Variants in MAN1B1 observed in about 807,000 individuals in gnomAD.
MAN1B1 encodes the protein mannosidase alpha class 1B member 1, also known as endoplasmic reticulum mannosyl-oligosaccharide 1,2-alpha-mannosidase.
A neutral mutation model predicts 75.5 loss-of-function variants in MAN1B1; 66 were observed. That is an observed-to-expected ratio of 0.87 (90% CI 0.72 to 1.07). The LOEUF (loss-of-function observed/expected upper bound fraction) is 1.07, where lower values mean the gene tolerates loss of function less well. Ranked by LOEUF, MAN1B1 falls within the 50% of genes least tolerant of loss-of-function variation. MAN1B1 has a pLI of 0.00. For missense variants in MAN1B1, 973 were observed against 912.5 expected, an observed-to-expected ratio of 1.07 and a Z score of -0.85; for synonymous variants, 453 against 382.8, an observed-to-expected ratio of 1.18 and a Z score of -2.14.
In MAN1B1 at chr9:137,087,101, T is replaced by C; in HGVS notation, c.102T>C (p.Thr34=). 1 of 1,597,514 alleles carries C rather than the reference T, an allele frequency of 6.3e-7. No individual in the cohort carries two copies. The highest frequency in any genetic ancestry group is 8.5e-7 in the Non-Finnish European group (1 of 1,173,976). The change falls in exon 1 of 13, where the codon ACT becomes ACC. Residue 34 remains threonine, a synonymous_variant. Transcript: ENST00000371589. Reference sequence around the variant, plus strand: ...GGGCCCCTTGGGCCGTCGCCACCACTGTAGTCATGTACCCACCGCCGCCGC... The same window carrying C: ...GGGCCCCTTGGGCCGTCGCCACCACCGTAGTCATGTACCCACCGCCGCCGC... ...VGGAPWAVAT[T]VVMYPPPPPP...
intron 9 of MAN1B1, 35 bp downstream of exon 9, chr9:137,106,350 C>T: frequency 1.3e-6 from 2 of 1,530,878 alleles, no homozygotes; most frequent in Non-Finnish European, 1.8e-6. Context: ...GCTCCCGCGG[C>T]TCCCCCGTTC....
intron 3 of MAN1B1, among the ~76,000 whole-genome samples, chr9:137,090,765 C>G (rs1324055293): frequency 6.6e-5 from 10 of 152,108 alleles, no homozygotes; most frequent in Non-Finnish European, 1.2e-4. Flanking sequence ...TCTCGAACTC[C>G]TGACCTCTTG....
chr9:137,101,788 T>C, intron 8 of MAN1B1, 116 bp downstream of exon 8: 1 of 1,262,036 alleles, frequency 7.9e-7, no homozygotes, highest in East Asian at 2.5e-5. Flanking sequence ...TTTTTTACTG[T>C]GATAAAACAC....
At chr9:137,088,565 A>G in intron 2 of MAN1B1, 3 of 840,420 alleles carry the variant, frequency 3.6e-6, no homozygotes, top group Non-Finnish European at 5.5e-6. Context: ...ACTTGGTCTA[A>G]GATGCTTCTC....
chr9:137,094,377 A>G, intron 3 of MAN1B1: 1 of 499,726 alleles, frequency 2.0e-6, no homozygotes, highest in South Asian at 1.4e-5. Flanking sequence ...GTTTGTTCCG[A>G]CCTTCCACTG....
chr9:137,089,134 G>T (rs1830457055), intron 3 of MAN1B1, 129 bp downstream of exon 3: 3 of 1,193,578 alleles, frequency 2.5e-6, no homozygotes, highest in African/African-American at 3.0e-5. Context: ...TCTCGTTTTG[G>T]ACTGGTCGGA....
At chr9:137,102,618 G>A in intron 8 of MAN1B1, 1 of 446,698 alleles carries the variant, frequency 2.2e-6, no homozygotes. Flanking sequence ...AAGCGTGCAG[G>A]TCGGTGGTGT....
intron 9 of MAN1B1, 176 bp from the exon 10 acceptor site, chr9:137,106,513 G>A (rs577251315): frequency 1.9e-6 from 2 of 1,070,210 alleles, no homozygotes; most frequent in East Asian, 5.0e-5. Flanking sequence ...CGTGGCCTCT[G>A]GGGGGGTGAG....
At chr9:137,087,407 G>T (rs1339697813) in intron 1 of MAN1B1, 189 bp downstream of exon 1, 2 of 781,104 alleles carry the variant, frequency 2.6e-6, no homozygotes, top group Non-Finnish European at 4.3e-6. Context: ...CGCCTGCAGC[G>T]GTCTCAGCGG....
intron 8 of MAN1B1, chr9:137,102,970 G>T (rs1177641042): frequency 2.3e-4 from 102 of 438,780 alleles, no homozygotes; most frequent in Non-Finnish European, 4.0e-4. Context: ...TCACGCTTTT[G>T]CAGGCGTGCA....
In MAN1B1 at chr9:137,101,684, G is replaced by A; in HGVS notation, c.1254+12G>A. The A allele has an allele frequency of 6.2e-7, 1 of 1,610,068 alleles. No individual in the cohort carries two copies. The highest frequency in any genetic ancestry group is 8.5e-7 in the Non-Finnish European group (1 of 1,177,970). On this transcript the variant is annotated intron_variant, in intron 8 of 12. Transcript: ENST00000371589. ...ATAAGAAGTTTCAGGTAAGGGGGCAGGCTTTCTGGCTGGATGCGCCTCCCC... is the reference window on the plus strand; with the variant it reads ...ATAAGAAGTTTCAGGTAAGGGGGCAAGCTTTCTGGCTGGATGCGCCTCCCC...
rs12115325 is a variant in MAN1B1, at chr9:137,107,526, C to A, written c.1765-5C>A. The stretch of plus-strand genomic sequence containing the variant: ...GCCTTGCCCTGAGCTCTGCTCCGCC[C>A]ACAGCCAGCAGACAGGCACAACCTG... On this transcript the variant is annotated splice_region_variant and splice_polypyrimidine_tract_variant and intron_variant, in intron 11 of 12. Transcript: ENST00000371589. 523,833 of 1,612,800 alleles carry A rather than the reference C, an allele frequency of 0.32. 91,324 individuals carry two copies. The highest frequency in any genetic ancestry group is 0.36 in the Non-Finnish European group (429,361 of 1,179,922).
chr9:137,103,813 T>C, intron 8 of MAN1B1: 3 of 444,104 alleles, frequency 6.8e-6, no homozygotes, highest in South Asian at 3.1e-5. Context: ...ACATTCACAC[T>C]GTTGCAGGCT....
At chr9:137,103,214 G>A (rs1488552549) in intron 8 of MAN1B1, 4 of 433,824 alleles carry the variant, frequency 9.2e-6, no homozygotes, top group Non-Finnish European at 1.8e-5. Flanking sequence ...GTGCAGGTCG[G>A]TGGTGTTACA....
At chr9:137,103,501 CTAT>C in intron 8 of MAN1B1, 1 of 436,544 alleles carries the variant, frequency 2.3e-6, no homozygotes, top group Admixed American at 2.5e-5. Context: ...CACATTCACG[CTAT>C]TGCAGGCGTG....
At chr9:137,100,975 C>T (rs774319680) in intron 6 of MAN1B1, 30 bp from the exon 7 acceptor site, 51 of 1,613,612 alleles carry the variant, frequency 3.2e-5, no homozygotes, top group Non-Finnish European at 3.3e-5. Context: ...ATCCATTTGT[C>T]TCTGCATCCT....
At position 137,099,592 on chromosome 9, in the gene MAN1B1, T is replaced by C. The variant is rs888716374; in HGVS notation, c.731-104T>C. On this transcript the variant is annotated intron_variant, in intron 5 of 12. Coordinates refer to ENST00000371589, the MANE Select transcript of MAN1B1 (RefSeq NM_016219.5). ...TCCCGTCGTCCCAAACCCACCGTCA[T>C]CTTTGCCCCATGGGGGTCACAGCAG... 11 of 1,289,848 alleles carry C rather than the reference T, an allele frequency of 8.5e-6. No individual in the cohort carries two copies. The East Asian group carries it at 2.5e-4, about 30-fold the overall frequency. 79.9% of individuals were successfully genotyped at this position (1,289,848 alleles called of 1,614,324 possible).
In MAN1B1 at chr9:137,106,679, G is replaced by C. The variant is rs778027451; in HGVS notation, c.1446-10G>C. ...TCCTGGTAGAGTGAGATGACTGCTG[G>C]TGTCCACAGGCTGCTGGAAGACTAC... On this transcript the variant is annotated splice_polypyrimidine_tract_variant and intron_variant, in intron 9 of 12. Coordinates refer to ENST00000371589, the MANE Select transcript of MAN1B1 (RefSeq NM_016219.5). 16 of 1,613,236 alleles carry C rather than the reference G, an allele frequency of 9.9e-6. No homozygotes were observed. The highest frequency in any genetic ancestry group is 8.3e-5 in the Admixed American group (5 of 60,010).
At position 137,107,320 on chromosome 9, in the gene MAN1B1, T is replaced by C. The variant is rs1588653652; in HGVS notation, c.1637T>C (p.Met546Thr). The change falls in exon 11 of 13, where the codon ATG (methionine) becomes ACG (threonine). Residue 546 changes from methionine to threonine, a missense_variant. Transcript: ENST00000371589. The part of the protein sequence containing the change: ...GVYHGLPASH[M>T]ELAQELMETC... ...TACCACGGCCTGCCCGCCAGCCACA[T>C]GGAGCTGGCCCAGGAGCTCATGGAG... 6.2e-7 allele frequency: 1 copy of C among 1,613,226 alleles called. No homozygotes were observed. The highest frequency in any genetic ancestry group is 1.3e-5 in the African/African-American group (1 of 75,064).
Sources: gnomAD v4.1 joint callset for allele counts (sites outside exome capture counted in the v4.1 genomes callset) on GRCh38, gnomAD v4.1.1 for gene constraint, MANE v1.5 for transcripts, NCBI Gene and HGNC (gene_info 2026-07-23, HGNC 2026-07-21) for gene names.